DAB1: variants seen among roughly 807,000 people sequenced by gnomAD.
DAB1 encodes the protein DAB adaptor protein 1, also known as disabled homolog 1.
Under a neutral mutation model 64.6 loss-of-function variants are expected in DAB1, and 15 were observed. The ratio of observed to expected loss-of-function variants is 0.23; its 90% CI spans 0.16 to 0.36. The LOEUF (loss-of-function observed/expected upper bound fraction) is 0.36, where lower values mean the gene tolerates loss of function less well. DAB1 is among the 10% of genes least tolerant of loss of function. The pLI is 1.00. For synonymous variants in DAB1, 235 were observed against 251.9 expected, an observed-to-expected ratio of 0.93 and a Z score of 0.64; for missense variants, 596 against 706.7, an observed-to-expected ratio of 0.84 and a Z score of 1.78.
chr1:57,632,966 G>T (rs906784241), intron 7 of DAB1, among the ~76,000 whole-genome samples: 2 of 152,140 alleles, frequency 1.3e-5, no homozygotes, highest in African/African-American at 4.8e-5. Context: ...TAAGACCAAA[G>T]ATATGATCAA....
chr1:57,003,258 G>A (rs999522527), intron 14 of DAB1, among the ~76,000 whole-genome samples: 17 of 152,296 alleles, frequency 1.1e-4, no homozygotes, highest in African/African-American at 3.1e-4. Flanking sequence ...TTATGTGCTC[G>A]ACTACAGCAG....
intron 5 of DAB1, among the ~76,000 whole-genome samples, chr1:57,904,417 A>T (rs1569958968): frequency 6.6e-6 from 1 of 152,164 alleles, no homozygotes; most frequent in African/African-American, 2.4e-5. Flanking sequence ...AGGTCCTGGG[A>T]TCTGTGACTG....
chr1:58,228,716 G>A (rs1659624003), intron 4 of DAB1: 13 of 1,132,514 alleles, frequency 1.1e-5, no homozygotes, highest in Non-Finnish European at 1.7e-5. Flanking sequence ...GGGGTTCTTG[G>A]ACCTTCTGGA....
At chr1:57,637,921 G>A (rs1268867021) in intron 7 of DAB1, among the ~76,000 whole-genome samples, 1 of 152,102 alleles carries the variant, frequency 6.6e-6, no homozygotes, top group African/African-American at 2.4e-5. Context: ...ACTTAATAAT[G>A]GAGCATTTAC....
intron 2 of DAB1, among the ~76,000 whole-genome samples, chr1:57,280,946 C>T (rs904535777): frequency 1.1e-4 from 17 of 151,858 alleles, no homozygotes; most frequent in African/African-American, 3.9e-4. Context: ...AATGGCATAG[C>T]ATAGAAAAAA....
Position 57,896,391 on chromosome 1 carries a change from AT to A in DAB1, n.388-12230del, listed in dbSNP as rs199820885. Among the ~76,000 whole-genome samples, 55 of 152,038 alleles carry A rather than the reference AT, an allele frequency of 3.6e-4. 2 individuals carry two copies. The East Asian group carries it at 9.9e-3, about 27-fold the overall frequency. ...TATGCTTGTCAACTTGACAATGAACATTGAGGCCAAACAATTAGAAAAAAAA... is the reference window on the plus strand; with the variant it reads ...TATGCTTGTCAACTTGACAATGAACATGAGGCCAAACAATTAGAAAAAAAA... On this transcript the variant is annotated intron_variant and non_coding_transcript_variant, in intron 5 of 20. Coordinates refer to the DAB1 transcript ENST00000485760.
intron 1 of DAB1, among the ~76,000 whole-genome samples, chr1:58,528,301 G>A (rs1646382511): frequency 6.6e-6 from 1 of 152,160 alleles, no homozygotes; most frequent in African/African-American, 2.4e-5. Context: ...TTAACTTATT[G>A]TTAACCCTGA....
intron 5 of DAB1, among the ~76,000 whole-genome samples, chr1:58,059,294 T>C (rs1399122033): frequency 2.0e-5 from 3 of 152,228 alleles, no homozygotes; most frequent in Non-Finnish European, 2.9e-5. Context: ...TGTGTAGTCA[T>C]AGGGAAGTCA....
chr1:57,337,878 CTCCCTTCCCT>C (rs755714868), intron 1 of DAB1, among the ~76,000 whole-genome samples: 23 of 66,054 alleles, frequency 3.5e-4, no homozygotes, highest in East Asian at 1.7e-3. Flanking sequence ...CTCCCCTCCC[CTCCCTTCCCT>C]TCCCTTCCCT....
chr1:58,028,864 T>C (rs1003516047), intron 5 of DAB1, among the ~76,000 whole-genome samples: 13 of 152,164 alleles, frequency 8.5e-5, no homozygotes, highest in African/African-American at 2.9e-4. Context: ...AGTGGTTAAG[T>C]TGAGTTGAAA....
chr1:57,952,750 T>C (rs567189999), intron 5 of DAB1, among the ~76,000 whole-genome samples: 9 of 152,254 alleles, frequency 5.9e-5, no homozygotes, highest in Non-Finnish European at 7.4e-5. Flanking sequence ...CTCATTCCAA[T>C]TCAACTCAGC....
chr1:57,728,185 A>G (rs1372615510), intron 6 of DAB1, among the ~76,000 whole-genome samples: 1 of 152,196 alleles, frequency 6.6e-6, no homozygotes, highest in Non-Finnish European at 1.5e-5. Flanking sequence ...GTATCAGAAG[A>G]GATATGCATG....
intron 1 of DAB1, among the ~76,000 whole-genome samples, chr1:57,332,996 C>T (rs993463075): frequency 2.0e-5 from 3 of 152,160 alleles, no homozygotes; most frequent in Admixed American, 1.3e-4. Flanking sequence ...TTGCTCTTTG[C>T]GTGGCTGTTT....
intron 1 of DAB1, among the ~76,000 whole-genome samples, chr1:57,309,234 A>C (rs954158759): frequency 6.6e-6 from 1 of 152,154 alleles, no homozygotes; most frequent in Non-Finnish European, 1.5e-5. Context: ...AAGTTACACA[A>C]TGAGTGAGTT....
chr1:58,277,635 G>A (rs1661481552), intron 4 of DAB1, among the ~76,000 whole-genome samples: 1 of 152,158 alleles, frequency 6.6e-6, no homozygotes, highest in Non-Finnish European at 1.5e-5. Flanking sequence ...ACTCAGTCAT[G>A]AATACAGCCA....
chr1:57,621,298 A>G (rs1229276403), intron 7 of DAB1, among the ~76,000 whole-genome samples: 1 of 150,026 alleles, frequency 6.7e-6, no homozygotes, highest in African/African-American at 2.5e-5. Context: ...GAGCCCTGAG[A>G]TGGGGGAGAG....
intron 1 of DAB1, among the ~76,000 whole-genome samples, chr1:57,883,440 A>G (rs1644175761): frequency 6.6e-6 from 1 of 152,226 alleles, no homozygotes. Flanking sequence ...GGCCTGAAAT[A>G]GCCACACGAT....
intron 4 of DAB1, among the ~76,000 whole-genome samples, chr1:58,174,020 A>G (rs905377765): frequency 2.0e-5 from 3 of 152,194 alleles, no homozygotes; most frequent in Non-Finnish European, 4.4e-5. Flanking sequence ...AAGAAATAAC[A>G]AAACCTATCC....
intron 6 of DAB1, among the ~76,000 whole-genome samples, chr1:57,744,418 A>C (rs1648161866): frequency 6.6e-6 from 1 of 150,438 alleles, no homozygotes; most frequent in African/African-American, 2.5e-5. Flanking sequence ...AAGAGAAACC[A>C]TTTGAGTGAA....
Sources: allele counts gnomAD v4.1 joint callset (sites outside exome capture counted in the v4.1 genomes callset), GRCh38; gene constraint gnomAD v4.1.1; transcripts MANE v1.5; gene names NCBI Gene and HGNC (gene_info 2026-07-23, HGNC 2026-07-21).